The following ABCC6 variants were observed in gnomAD, a reference collection of about 807,000 sequenced individuals.
ABCC6 encodes the protein ATP-binding cassette sub-family C member 6.
In ABCC6, 126 loss-of-function variants were observed where a neutral mutation model predicts 169.5. The observed-to-expected ratio is 0.74, with a 90% confidence interval of 0.64 to 0.86. ABCC6 has a LOEUF of 0.86. Among genes scored for constraint, ABCC6 ranks in the 40% least tolerant of loss-of-function variants. The pLI, the probability that ABCC6 is intolerant of heterozygous loss-of-function variation, is 0.00. For missense variants in ABCC6, 1,733 were observed against 1,927.2 expected (o/e 0.90, Z 1.89); for synonymous variants, 752 against 814.7 (o/e 0.92, Z 1.31).
At chr16:16,173,953 C>G (rs1255367598) in intron 20 of ABCC6, among the ~76,000 whole-genome samples, 1 of 152,170 alleles carries the variant, frequency 6.6e-6, no homozygotes, top group Non-Finnish European at 1.5e-5. Context: ...GCTAAAGACT[C>G]TTTGAATGTT....
intron 15 of ABCC6, among the ~76,000 whole-genome samples, chr16:16,183,990 A>G (rs1329735936): frequency 1.3e-5 from 2 of 152,012 alleles, no homozygotes; most frequent in African/African-American, 4.8e-5. Flanking sequence ...ACTTGAGGTC[A>G]GGAGTTGGAG....
chr16:16,187,556 C>T (rs1021324423), intron 13 of ABCC6, among the ~76,000 whole-genome samples: 1 of 152,188 alleles, frequency 6.6e-6, no homozygotes, highest in South Asian at 2.1e-4. Flanking sequence ...GGCGCTCTCT[C>T]CCAGTCACAA....
chr16:16,153,194 C>T (rs778312571), intron 29 of ABCC6, among the ~76,000 whole-genome samples: 7 of 152,134 alleles, frequency 4.6e-5, no homozygotes, highest in South Asian at 2.1e-4. Flanking sequence ...CATGAGCCAC[C>T]GCGCCCAGCC....
chr16:16,165,883 C>T lies in ABCC6; in HGVS notation c.3046G>A (p.Ala1016Thr), dbSNP rs1398594452. Reference protein sequence around the residue: ...MAAVLLGGARASRLLFQRLLW... With the variant: ...MAAVLLGGARTSRLLFQRLLW... ...AGCCTCTGGAAGAGCAACCTGGATG[C>T]CCGGGCCCCACCTAGGAGCACCGCA... is the stretch of plus-strand genomic sequence containing the variant. The change falls in exon 23 of 31, where the codon GCA (alanine) becomes ACA (threonine). Residue 1016 changes from alanine (A) to threonine (T), a missense_variant. Transcript: ENST00000205557. 1.9e-6 allele frequency: 3 copies of T among 1,613,108 alleles called. No individual in the cohort carries two copies. The highest frequency in any genetic ancestry group is 4.5e-5 in the East Asian group (2 of 44,886).
At chr16:16,172,707 G>A (rs1439457913) in intron 21 of ABCC6, among the ~76,000 whole-genome samples, 1 of 152,102 alleles carries the variant, frequency 6.6e-6, no homozygotes, top group Non-Finnish European at 1.5e-5. Flanking sequence ...TGTGTCCCAG[G>A]CTAGATATGA....
intron 13 of ABCC6, among the ~76,000 whole-genome samples, chr16:16,187,607 A>G (rs2047690803): frequency 6.6e-6 from 1 of 152,194 alleles, no homozygotes; most frequent in Admixed American, 6.5e-5. Flanking sequence ...GTTAAAATAG[A>G]GATTAGGCCA....
At chr16:16,168,497 G>C (rs1250480032) in intron 22 of ABCC6, among the ~76,000 whole-genome samples, 2 of 150,606 alleles carry the variant, frequency 1.3e-5, no homozygotes, top group African/African-American at 2.4e-5. Context: ...ATATATGTGT[G>C]TGTGTGTATA....
At position 16,198,151 on chromosome 16, in the gene ABCC6, G is replaced by C. The variant is rs2048117162; in HGVS notation, c.1208C>G (p.Ala403Gly). The C allele has an allele frequency of 2.5e-6, 4 of 1,608,500 alleles. No individual in the cohort carries two copies. Among genetic ancestry groups the C allele is most frequent in the Admixed American group, 3.4e-5 (2 of 59,134 alleles). Residue 403 changes from alanine to glycine, a missense_variant, in exon 10 of 31, where the codon GCC becomes GGC. Ala to Gly is a moderately conservative substitution (Grantham distance 60, BLOSUM62 0). This residue lies in a region of ABCC6 where 1,601 missense variants were observed against 1,635.5 expected (regional missense o/e 0.98). Transcript: ENST00000205557. Reference sequence around the variant, plus strand: ...ATTGACCACATCACCCACCGCACTGGCCTTTCTGGAGCCGCTGGACAGAGC... The same window carrying C: ...ATTGACCACATCACCCACCGCACTGCCCTTTCTGGAGCCGCTGGACAGAGC... Reference protein sequence around the residue: ...VLALSSGSRKASAVGDVVNLV... With the variant: ...VLALSSGSRKGSAVGDVVNLV...
rs191992225 is a variant in ABCC6 at position 16,204,040 on chromosome 16, G to A, written c.795-427C>T. Among the ~76,000 whole-genome samples the A allele has an allele frequency of 6.4e-4, 97 of 151,966 alleles. 1 individual carries two copies. The highest frequency in any genetic ancestry group is 2.4e-3 in the Admixed American group (36 of 15,258). ...CCAGCTCTCTGCCTCCAGAGCCCATGCACTTTTCTTTTTTCTTTTCCTTTT... is the reference window on the plus strand; with the variant it reads ...CCAGCTCTCTGCCTCCAGAGCCCATACACTTTTCTTTTTTCTTTTCCTTTT... On this transcript the variant is annotated intron_variant, in intron 7 of 30. Coordinates refer to ENST00000205557, the MANE Select transcript of ABCC6 (RefSeq NM_001171.6).
At position 16,150,150 on chromosome 16, in the gene ABCC6, C is replaced by T; in HGVS notation, c.4495G>A (p.Glu1499Lys). The change falls in exon 31 of 31, where the codon GAG becomes AAG. Residue 1499 changes from glutamate to lysine, a missense_variant. Glu to Lys is a moderately conservative substitution (Grantham distance 56, BLOSUM62 1). Around this residue, in one of 5 missense-constraint regions of ABCC6, gnomAD observed 1,601 missense variants for 1,635.5 expected, o/e 0.98. Transcript: ENST00000205557. The stretch of plus-strand genomic sequence containing the variant: ...GTCCTGGCTCAGACCAGGCCTGACT[C>T]CTGGGCCAGTCTGTAAAACAGGCCC... ...QKGLFYRLAQ[E>K]SGLV 1 of 1,612,858 alleles carries T rather than the reference C, an allele frequency of 6.2e-7. No homozygotes were observed. The highest frequency in any genetic ancestry group is 8.5e-7 in the Non-Finnish European group (1 of 1,180,024).
Position 16,154,956 on chromosome 16 carries a change from C to T in ABCC6, c.3958G>A (p.Glu1320Lys), listed in dbSNP as rs1316768903. 1 of 1,588,112 alleles carries T rather than the reference C, an allele frequency of 6.3e-7. No homozygotes were observed. ...SGLLRLQEAA[E>K]GGIWIDGVPI... ...ACCCCGTCGATCCAGATCCCACCCT[C>T]AGCTGCCTCCTGGAGCCGCAGCAGC... is the stretch of plus-strand genomic sequence containing the variant. Residue 1320 changes from glutamate (E) to lysine (K), a missense_variant, in exon 28 of 31, where the codon GAG becomes AAG. Glu to Lys is a moderately conservative substitution (Grantham distance 56). Coordinates refer to ENST00000205557, the MANE Select transcript of ABCC6 (RefSeq NM_001171.6).
chr16:16,155,990 A>G (rs1429030289), intron 27 of ABCC6, among the ~76,000 whole-genome samples: 1 of 152,136 alleles, frequency 6.6e-6, no homozygotes, highest in Non-Finnish European at 1.5e-5. Flanking sequence ...ATCTCAGCTC[A>G]CTGCAACCTC....
At chr16:16,155,755 T>C (rs1031482419) in intron 27 of ABCC6, 1 of 152,690 alleles carries the variant, frequency 6.5e-6, no homozygotes, top group Admixed American at 6.5e-5. Context: ...TAATTAATGA[T>C]GGAAACATGT....
intron 1 of ABCC6, 62 bp from the exon 2 acceptor site, chr16:16,221,893 C>A: frequency 4.3e-6 from 7 of 1,611,746 alleles, no homozygotes; most frequent in Non-Finnish European, 5.1e-6. Flanking sequence ...GCTCACCTGC[C>A]CAGGGGGCCA....
At chr16:16,155,320 C>G (rs2046516719) in intron 27 of ABCC6, 1 of 540,170 alleles carries the variant, frequency 1.9e-6, no homozygotes, top group East Asian at 3.1e-5. Context: ...CTATTTACAC[C>G]TCTCCATCAT....
chr16:16,216,488 T>C (rs941633058), intron 4 of ABCC6, among the ~76,000 whole-genome samples: 4 of 151,138 alleles, frequency 2.6e-5, no homozygotes, highest in African/African-American at 9.7e-5. Context: ...TTAACATCCA[T>C]GTTGTTGAAA....
Position 16,154,872 on chromosome 16 carries a change from C to A in ABCC6, c.4041+1G>T. ...TTGCCCACCCCCTCCACCAGCCTCA[C>A]CTGGGGGATGATGCTGATCCTGGAG... On this transcript the variant is annotated splice_donor_variant, in intron 28 of 30. Coordinates refer to ENST00000205557, the MANE Select transcript of ABCC6 (RefSeq NM_001171.6). LOFTEE classifies it high-confidence loss of function. 6.2e-7 allele frequency: 1 copy of A among 1,612,782 alleles called. No homozygotes were observed. The highest frequency in any genetic ancestry group is 2.2e-5 in the East Asian group (1 of 44,810).
chr16:16,149,571 T>C lies in ABCC6; in HGVS notation c.*562A>G, dbSNP rs372646191. The C allele has an allele frequency of 8.9e-5, 21 of 237,230 alleles. No homozygotes were observed. The highest frequency in any genetic ancestry group is 4.5e-4 in the African/African-American group (20 of 44,912). The allele number at this position is 237,230 out of a possible 1,614,324, so 14.7% of individuals were successfully genotyped here. ...ACACACACACACACAGGAGTACAGG[T>C]AAAACGGGAAATCGAGCAAGATTGT... is the stretch of plus-strand genomic sequence containing the variant. On this transcript the variant is annotated 3_prime_UTR_variant, in exon 31 of 31. Transcript: ENST00000205557.
chr16:16,190,590 GC>G (rs1811362978), intron 11 of ABCC6, among the ~76,000 whole-genome samples: 2 of 152,042 alleles, frequency 1.3e-5, no homozygotes, highest in South Asian at 4.2e-4. Context: ...CATGGAGGAA[GC>G]CTCTGATGCC....
Sources: gnomAD v4.1 joint callset for allele counts (sites outside exome capture counted in the v4.1 genomes callset) on GRCh38, gnomAD v4.1.1 for gene constraint, gnomAD v4.1.1 regional missense constraint, MANE v1.5 for transcripts, NCBI Gene and HGNC (gene_info 2026-07-23, HGNC 2026-07-21) for gene names.